The following SPMIP6 variants were observed in gnomAD, a reference collection of about 807,000 sequenced individuals.
SPMIP6 encodes the protein sperm microtubule inner protein 6, also known as ciliated bronchial epithelial protein 1.
the SPMIP6 span, chr9:34,381,890 G>A: frequency 6.2e-6 from 4 of 649,218 alleles, no homozygotes; most frequent in Non-Finnish European, 7.7e-6. This position sits in a 1 kb window ranked among gnomAD's most constrained non-coding sequence, Gnocchi z 4.4. Flanking sequence ...GCAGTTAAGA[G>A]CCCCGGCTCT....
chr9:34,382,792 A>G, the SPMIP6 span: 1 of 1,614,170 alleles, frequency 6.2e-7, no homozygotes, highest in South Asian at 1.1e-5. Flanking sequence ...TACTTGTTGC[A>G]GCAGCTGCTG....
the SPMIP6 span, among the ~76,000 whole-genome samples, chr9:34,396,865 T>C: frequency 6.6e-6 from 1 of 152,200 alleles, no homozygotes; most frequent in Non-Finnish European, 1.5e-5. Flanking sequence ...GTATCCTGGG[T>C]TGCCTACAGA....
the SPMIP6 span, among the ~76,000 whole-genome samples, chr9:34,395,605 C>T: frequency 5.3e-5 from 8 of 152,158 alleles, no homozygotes; most frequent in African/African-American, 1.9e-4. Flanking sequence ...ATGATGATGA[C>T]TTCAAGATCT....
chr9:34,382,938 A>G, the SPMIP6 span: 1 of 1,047,540 alleles, frequency 9.5e-7, no homozygotes, highest in Non-Finnish European at 1.5e-6. Context: ...GAGATCCCCT[A>G]CATGTTTCTC....
chr9:34,383,989 G>T, the SPMIP6 span, among the ~76,000 whole-genome samples: 1 of 152,126 alleles, frequency 6.6e-6, no homozygotes, highest in Admixed American at 6.5e-5. Flanking sequence ...GGGTTTGTCT[G>T]CCTTAGCCCC....
chr9:34,397,656 G>GGTGGGCTCTACCTGTC, the SPMIP6 span: 1 of 1,566,840 alleles, frequency 6.4e-7, no homozygotes, highest in Non-Finnish European at 8.7e-7. Context: ...GAGATGCCGT[G>GGTGGGCTCTACCTGTC]GTGGGCTCTA....
chr9:34,379,536 C>T, the SPMIP6 span: 1 of 955,026 alleles, frequency 1.0e-6, no homozygotes, highest in Admixed American at 1.9e-5. This position sits in a 1 kb window ranked among gnomAD's most constrained non-coding sequence, Gnocchi z 4.2. Context: ...ATGTGCCTGT[C>T]AGTGCACCGC....
the SPMIP6 span, among the ~76,000 whole-genome samples, chr9:34,383,863 C>T: frequency 2.0e-5 from 3 of 152,182 alleles, no homozygotes; most frequent in Non-Finnish European, 4.4e-5. Flanking sequence ...TATGATTATT[C>T]TACTGTTATC....
At chr9:34,395,416 T>C in the SPMIP6 span, among the ~76,000 whole-genome samples, 2 of 152,238 alleles carry the variant, frequency 1.3e-5, no homozygotes, top group South Asian at 2.1e-4. Flanking sequence ...ATGCTGTCTT[T>C]ATTGGTTTAT....
chr9:34,382,177 T>C, the SPMIP6 span, among the ~76,000 whole-genome samples: 114,692 of 152,006 alleles, frequency 0.75, 43,804 homozygotes, highest in East Asian at 0.95. Context: ...TGCACACCAG[T>C]CATGTCCCTA....
At chr9:34,385,424 C>G in the SPMIP6 span, among the ~76,000 whole-genome samples, 1 of 148,224 alleles carries the variant, frequency 6.7e-6, no homozygotes, top group Non-Finnish European at 1.5e-5. Flanking sequence ...CCCAGCTACT[C>G]AGGAGGCTAA....
chr9:34,391,162 T>C, the SPMIP6 span, among the ~76,000 whole-genome samples: 2 of 152,208 alleles, frequency 1.3e-5, no homozygotes, highest in Non-Finnish European at 2.9e-5. Flanking sequence ...CTTGAATTGG[T>C]TTGGCAAGTT....
the SPMIP6 span, among the ~76,000 whole-genome samples, chr9:34,384,107 G>C: frequency 6.6e-6 from 1 of 152,210 alleles, no homozygotes; most frequent in African/African-American, 2.4e-5. Flanking sequence ...CTGTCTGAGG[G>C]GAGGGGTGCA....
the SPMIP6 span, among the ~76,000 whole-genome samples, chr9:34,385,464 G>A: frequency 5.5e-5 from 8 of 146,780 alleles, no homozygotes; most frequent in Non-Finnish European, 7.4e-5. Flanking sequence ...CCTGGGAGGT[G>A]GAAGTGGGTT....
chr9:34,390,279 A>G, the SPMIP6 span, among the ~76,000 whole-genome samples: 1 of 152,076 alleles, frequency 6.6e-6, no homozygotes, highest in Non-Finnish European at 1.5e-5. Flanking sequence ...TTTTTTGTAT[A>G]TATTTTTTAT....
the SPMIP6 span, chr9:34,383,006 A>G: frequency 3.0e-6 from 2 of 675,310 alleles, no homozygotes; most frequent in East Asian, 5.3e-5. Context: ...AGAGACCCCA[A>G]GCCCAGCCGG....
the SPMIP6 span, chr9:34,397,615 T>C: frequency 6.2e-7 from 1 of 1,608,262 alleles, no homozygotes; most frequent in Non-Finnish European, 8.5e-7. Flanking sequence ...GTCCTGGTCT[T>C]ACGGGAGAAC....
the SPMIP6 span, chr9:34,380,695 C>CCA: frequency 6.5e-7 from 1 of 1,547,468 alleles, no homozygotes; most frequent in African/African-American, 1.4e-5. Context: ...GAGTAACCTT[C>CCA]GTGCTGGTTC....
chr9:34,384,727 G>A, the SPMIP6 span, among the ~76,000 whole-genome samples: 3 of 152,096 alleles, frequency 2.0e-5, no homozygotes, highest in Non-Finnish European at 2.9e-5. Flanking sequence ...GACCAGACTC[G>A]GCTCTTTTCG....
Sources: allele counts gnomAD v4.1 joint callset (sites outside exome capture counted in the v4.1 genomes callset), GRCh38; gene constraint gnomAD v4.1.1; non-coding constraint Gnocchi (gnomAD v3.1); transcripts MANE v1.5; gene names NCBI Gene and HGNC (gene_info 2026-07-23, HGNC 2026-07-21).